The following CTNNA1 variants were observed in gnomAD, a reference collection of about 807,000 sequenced individuals.
CTNNA1 encodes the protein catenin alpha 1.
A neutral mutation model predicts 98.4 loss-of-function variants in CTNNA1; 37 were observed. The ratio of observed to expected loss-of-function variants is 0.38; its 90% CI spans 0.29 to 0.49. CTNNA1 has a LOEUF of 0.49. Among genes scored for constraint, CTNNA1 ranks in the 20% least tolerant of loss-of-function variants. CTNNA1 has a pLI of 0.95. For missense variants in CTNNA1, 761 were observed against 1,147.2 expected (o/e 0.66, Z 4.86); for synonymous variants, 404 against 413.2 (o/e 0.98, Z 0.27).
rs776783618 is a variant in CTNNA1 at position 138,781,940 on chromosome 5, G to A, written c.16G>A (p.Ala6Thr). 10 of 1,592,586 alleles carry A rather than the reference G, an allele frequency of 6.3e-6. No homozygotes were observed. Among genetic ancestry groups the A allele is most frequent in the Middle Eastern group, 1.7e-4 (1 of 6,004 alleles). Residue 6 changes from alanine (A) to threonine (T), a missense_variant, in exon 2 of 18, where the codon GCA becomes ACA. This residue lies in a region of CTNNA1 where 328 missense variants were observed against 354.3 expected (regional missense o/e 0.93). Transcript: ENST00000302763. MTAVH[A>T]GNINFKWDPK... is the part of the protein sequence containing the mutation. The stretch of plus-strand genomic sequence containing the variant: ...TTATTTAGAAATGACTGCTGTCCAT[G>A]CAGGCAACATAAACTTCAAGTGGGA...
At chr5:138,795,269 G>C (rs577302272) in intron 3 of CTNNA1, among the ~76,000 whole-genome samples, 1 of 151,806 alleles carries the variant, frequency 6.6e-6, no homozygotes, top group Non-Finnish European at 1.5e-5. Flanking sequence ...AGACCAGCCT[G>C]ACCAACATGG....
At chr5:138,865,502 C>CT (rs776671929) in intron 7 of CTNNA1, among the ~76,000 whole-genome samples, 20 of 152,184 alleles carry the variant, frequency 1.3e-4, no homozygotes, top group Admixed American at 1.2e-3. Context: ...TTAAGTGTCT[C>CT]TTTTTCCAGC....
chr5:138,876,646 TA>T (rs1751622996), intron 7 of CTNNA1, among the ~76,000 whole-genome samples: 1 of 152,248 alleles, frequency 6.6e-6, no homozygotes, highest in Non-Finnish European at 1.5e-5. Context: ...CAGACATCTT[TA>T]AAACTACTGA....
intron 13 of CTNNA1, among the ~76,000 whole-genome samples, chr5:138,926,974 G>C (rs889964260): frequency 6.6e-6 from 1 of 152,178 alleles, no homozygotes; most frequent in African/African-American, 2.4e-5. Context: ...CTCGGGCCCA[G>C]ACCTCGAATC....
chr5:138,812,037 GT>G (rs1230534738), intron 4 of CTNNA1, 145 bp from the exon 5 acceptor site: 1 of 642,740 alleles, frequency 1.6e-6, no homozygotes, highest in East Asian at 2.8e-5. Flanking sequence ...CTGTTTAAAT[GT>G]TAGAAGACCA....
intron 6 of CTNNA1, 21 bp downstream of exon 6, chr5:138,824,820 A>G: frequency 1.2e-6 from 2 of 1,604,950 alleles, no homozygotes; most frequent in South Asian, 2.2e-5. Flanking sequence ...CTTGGGTGGA[A>G]ATTTCCAGCT....
chr5:138,927,418 TCAC>T (rs1481224294), intron 13 of CTNNA1, among the ~76,000 whole-genome samples: 1 of 152,184 alleles, frequency 6.6e-6, no homozygotes, highest in Non-Finnish European at 1.5e-5. Context: ...TCCTTGCTAT[TCAC>T]GCAGTTCCCT....
At chr5:138,788,810 T>C (rs73267579) in intron 3 of CTNNA1, among the ~76,000 whole-genome samples, 1,850 of 151,982 alleles carry the variant, frequency 0.012, 41 homozygotes, top group African/African-American at 0.037. Flanking sequence ...TGAAGTGGAG[T>C]GATGAGGAAC....
chr5:138,889,233 G>A (rs978260106), intron 9 of CTNNA1, among the ~76,000 whole-genome samples: 1 of 152,196 alleles, frequency 6.6e-6, no homozygotes, highest in African/African-American at 2.4e-5. Context: ...AGGGCTGAGT[G>A]TGGCAGCTGA....
At chr5:138,892,151 T>G (rs558883499) in intron 9 of CTNNA1, among the ~76,000 whole-genome samples, 4 of 152,222 alleles carry the variant, frequency 2.6e-5, no homozygotes, top group African/African-American at 9.6e-5. Context: ...CCAAGCACCT[T>G]GGGCACAGGA....
intron 7 of CTNNA1, among the ~76,000 whole-genome samples, chr5:138,829,985 C>T (rs1301710293): frequency 5.3e-5 from 8 of 151,678 alleles, no homozygotes; most frequent in East Asian, 1.9e-4. Flanking sequence ...GCTAACGTGG[C>T]GAAACCCTGT....
At chr5:138,785,552 C>T (rs1220672344) in intron 3 of CTNNA1, among the ~76,000 whole-genome samples, 2 of 151,786 alleles carry the variant, frequency 1.3e-5, no homozygotes, top group Admixed American at 6.6e-5. Context: ...TAGTGACTGA[C>T]GTTTCTTTTC....
chr5:138,867,345 T>G (rs288042), intron 7 of CTNNA1, among the ~76,000 whole-genome samples: 46,984 of 152,076 alleles, frequency 0.31, 7,414 homozygotes, highest in African/African-American at 0.37. Context: ...GCTATGGGGC[T>G]GTGGTGCTGG....
intron 7 of CTNNA1, among the ~76,000 whole-genome samples, chr5:138,868,152 G>C (rs1261193992): frequency 6.6e-6 from 1 of 152,114 alleles, no homozygotes; most frequent in Non-Finnish European, 1.5e-5. Context: ...TTGACTGACG[G>C]TATTAAATAT....
chr5:138,834,023 TATGA>T (rs1342562327), intron 7 of CTNNA1, among the ~76,000 whole-genome samples: 1 of 152,226 alleles, frequency 6.6e-6, no homozygotes, highest in Non-Finnish European at 1.5e-5. Context: ...ATGTGGATTG[TATGA>T]ATGGTATGCA....
intron 1 of CTNNA1, among the ~76,000 whole-genome samples, chr5:138,770,680 C>T (rs1489013432): frequency 3.3e-5 from 5 of 152,182 alleles, no homozygotes; most frequent in Admixed American, 1.3e-4. Flanking sequence ...TCGCCGGGCG[C>T]GGTGGCTCAT....
chr5:138,849,081 C>T (rs970976192), intron 7 of CTNNA1, among the ~76,000 whole-genome samples: 9 of 152,118 alleles, frequency 5.9e-5, no homozygotes, highest in African/African-American at 9.7e-5. Context: ...TGGCTCTGAT[C>T]GTCAGTGTTC....
chr5:138,878,115 A>C (rs1752057841), intron 7 of CTNNA1, among the ~76,000 whole-genome samples: 1 of 152,210 alleles, frequency 6.6e-6, no homozygotes, highest in Admixed American at 6.5e-5. Context: ...GCATCAGTGC[A>C]ATCAAGAGTA....
At chr5:138,816,571 AT>A (rs1435211216) in intron 5 of CTNNA1, among the ~76,000 whole-genome samples, 1 of 152,144 alleles carries the variant, frequency 6.6e-6, no homozygotes, top group Non-Finnish European at 1.5e-5. Context: ...AGCCATTCTA[AT>A]TAGAATGAGA....
Sources: allele counts gnomAD v4.1 joint callset (sites outside exome capture counted in the v4.1 genomes callset), GRCh38; gene constraint gnomAD v4.1.1; regional missense constraint gnomAD v4.1.1; transcripts MANE v1.5; gene names NCBI Gene and HGNC (gene_info 2026-07-23, HGNC 2026-07-21).